The following GGA2 variants were observed in gnomAD, a reference collection of about 807,000 sequenced individuals.
GGA2 encodes ADP-ribosylation factor-binding protein GGA2.
In GGA2, 48 loss-of-function variants were observed where a neutral mutation model predicts 79.5. The ratio of observed to expected loss-of-function variants is 0.60; its 90% CI spans 0.48 to 0.77. GGA2 has a LOEUF of 0.77. Ranked by LOEUF, GGA2 falls within the 30% of genes least tolerant of loss-of-function variation. GGA2 has a pLI of 0.00. For missense variants in GGA2, 770 were observed against 774.0 expected (o/e 0.99, Z 0.06); for synonymous variants, 317 against 302.0 (o/e 1.05, Z -0.51).
chr16:23,522,184 G>A, upstream of GGA2: 1 of 206,246 alleles, frequency 4.8e-6, no homozygotes, highest in Non-Finnish European at 1.0e-5. Flanking sequence ...ATCATCTTCT[G>A]GAGAAAGCTC....
intron 14 of GGA2, among the ~76,000 whole-genome samples, chr16:23,474,463 T>A (rs1297463016): frequency 6.6e-6 from 1 of 152,062 alleles, no homozygotes; most frequent in East Asian, 1.9e-4. Flanking sequence ...ATTCAAGCAG[T>A]TCTCCTGCCT....
In GGA2 at chr16:23,466,009, G is replaced by A. The variant is rs1964432732; in HGVS notation, c.*1581C>T. 1 of 152,302 alleles carries A rather than the reference G, an allele frequency of 6.6e-6. No individual in the cohort carries two copies. The highest frequency in any genetic ancestry group is 1.5e-5 in the Non-Finnish European group (1 of 68,170). 9.4% of individuals were successfully genotyped at this position (152,302 alleles called of 1,614,324 possible). The stretch of plus-strand genomic sequence containing the variant: ...TTTTAGATTAAAATTCGTCTTATGT[G>A]AATTATGGCAAATGAAATCACCCCA... On this transcript the variant is annotated 3_prime_UTR_variant, in exon 17 of 17. Coordinates refer to ENST00000309859, the MANE Select transcript of GGA2 (RefSeq NM_015044.4).
intron 5 of GGA2, 98 bp downstream of exon 5, chr16:23,491,579 G>C (rs1389541261): frequency 1.1e-5 from 10 of 902,886 alleles, no homozygotes; most frequent in Non-Finnish European, 5.0e-6. Context: ...TCCTACATAA[G>C]AAGTACAGCT....
At chr16:23,495,347 C>T (rs1032653294) in intron 2 of GGA2, 12 of 170,654 alleles carry the variant, frequency 7.0e-5, no homozygotes, top group Admixed American at 4.3e-4. Flanking sequence ...TTAATAACTG[C>T]CAGTTGCAAG....
rs1964489070 is a variant in GGA2 at position 23,470,005 on chromosome 16, A to T, written c.1611T>A (p.Ala537=). ...QPVWDIMFQV[A]VPKSMRVKLQ... is the part of the protein sequence containing the mutation. ...CCAACAGATGACTCACCTTTGGCACAGCCACTTGAAACATGATATCCCAGA... is the reference window on the plus strand; with the variant it reads ...CCAACAGATGACTCACCTTTGGCACTGCCACTTGAAACATGATATCCCAGA... Residue 537 remains alanine, a synonymous_variant, in exon 15 of 17, where the codon GCT becomes GCA. Transcript: ENST00000309859. 8 of 1,551,716 alleles carry T rather than the reference A, an allele frequency of 5.2e-6. No homozygotes were observed. Among genetic ancestry groups the T allele is most frequent in the Non-Finnish European group, 6.1e-6 (7 of 1,148,758 alleles).
chr16:23,512,064 T>C (rs1049030044), upstream of GGA2, among the ~76,000 whole-genome samples: 5 of 152,188 alleles, frequency 3.3e-5, no homozygotes, highest in Non-Finnish European at 5.9e-5. Flanking sequence ...TAATTTTCCA[T>C]TGAAGCTGTT....
chr16:23,501,512 T>C (rs1596994119), intron 1 of GGA2: 1 of 363,658 alleles, frequency 2.7e-6, no homozygotes, highest in East Asian at 7.6e-5. Flanking sequence ...CCGTGACCTG[T>C]ATTTTCTATT....
At position 23,467,412 on chromosome 16, in the gene GGA2, A is replaced by ACACACACACACACACACACACACAC; in HGVS notation, c.*177_*178insGTGTGTGTGTGTGTGTGTGTGTGTG. The ACACACACACACACACACACACACAC allele has an allele frequency of 1.7e-6, 1 of 593,324 alleles. No homozygotes were observed. Among genetic ancestry groups the ACACACACACACACACACACACACAC allele is most frequent in the African/African-American group, 1.9e-5 (1 of 53,762 alleles). 36.8% of individuals were successfully genotyped at this position (593,324 alleles called of 1,614,324 possible). ...AACACACACACACACACACACACAC[A>ACACACACACACACACACACACACAC]CACACACACACACACACACACAGAG... On this transcript the variant is annotated 3_prime_UTR_variant, in exon 17 of 17. Transcript: ENST00000309859.
intron 1 of GGA2, among the ~76,000 whole-genome samples, chr16:23,509,920 A>C (rs1481551463): frequency 6.6e-6 from 1 of 151,936 alleles, no homozygotes; most frequent in Non-Finnish European, 1.5e-5. Context: ...TTAAGCCTCA[A>C]GGTCCCCGCT....
chr16:23,500,435 GC>G lies in GGA2; in HGVS notation c.92-4658del, dbSNP rs1276612029. On this transcript the variant is annotated intron_variant, in intron 1 of 16. Transcript: ENST00000309859. ...GTACTGTGGCTCTGACATCTATGAG[GC>G]GGTGGCAAGCAGAGGTGCAGGCCAA... Among the ~76,000 whole-genome samples the G allele has an allele frequency of 2.0e-5, 3 of 152,274 alleles. No individual in the cohort carries two copies. In the East Asian group the frequency reaches 5.8e-4, roughly 29 times the overall value.
intron 1 of GGA2, among the ~76,000 whole-genome samples, 190 bp from the exon 2 acceptor site, chr16:23,495,968 T>C (rs577113037): frequency 6.6e-6 from 1 of 152,296 alleles, no homozygotes; most frequent in South Asian, 2.1e-4. Context: ...GCACATGGTA[T>C]GCCCTTACTG....
At chr16:23,519,799 G>GT (rs1965125063) in intron 1 of GGA2, among the ~76,000 whole-genome samples, 1 of 152,188 alleles carries the variant, frequency 6.6e-6, no homozygotes, top group Non-Finnish European at 1.5e-5. Flanking sequence ...CTTTAGATCT[G>GT]TGAGAGTCCT....
intron 13 of GGA2, among the ~76,000 whole-genome samples, chr16:23,476,831 C>T (rs967486662): frequency 3.3e-5 from 5 of 152,176 alleles, no homozygotes; most frequent in Non-Finnish European, 7.3e-5. Flanking sequence ...CAAAAACAAA[C>T]GGCAAAAACC....
In GGA2 at chr16:23,493,362, T is replaced by C. The variant is rs1462545241; in HGVS notation, c.349A>G (p.Lys117Glu). ...CAGAGCCAAGCCCAGGTACTCACCT[T>C]TGGGGACAACACTTTGATCAGTTCG... ...LNELIKVLSP[K>E]YLGSWATGKV... The change falls in exon 4 of 17, where the codon AAG becomes GAG. Residue 117 changes from lysine to glutamate, a missense_variant and splice_region_variant. Coordinates refer to ENST00000309859, the MANE Select transcript of GGA2 (RefSeq NM_015044.4). The C allele has an allele frequency of 1.3e-6, 2 of 1,578,280 alleles. No individual in the cohort carries two copies. Among genetic ancestry groups the C allele is most frequent in the Non-Finnish European group, 1.7e-6 (2 of 1,147,190 alleles).
intron 5 of GGA2, 117 bp downstream of exon 5, chr16:23,491,560 T>G: frequency 1.5e-6 from 1 of 665,536 alleles, no homozygotes; most frequent in Admixed American, 2.7e-5. Flanking sequence ...TCTACCTCAG[T>G]GTCTATGGTC....
intron 13 of GGA2, among the ~76,000 whole-genome samples, chr16:23,475,277 C>G (rs1964563442): frequency 6.6e-6 from 1 of 150,810 alleles, no homozygotes; most frequent in South Asian, 2.1e-4. Flanking sequence ...GCAACCTCTG[C>G]CTCCCAGGCT....
chr16:23,468,973 C>T lies in GGA2; in HGVS notation c.1644G>A (p.Pro548=), dbSNP rs35347972. 0.03 allele frequency: 48,298 copies of T among 1,608,144 alleles called. 906 individuals are homozygous for T. The highest frequency in any genetic ancestry group is 0.036 in the Non-Finnish European group (42,859 of 1,174,632). The change falls in exon 16 of 17, where the codon CCG becomes CCA. Residue 548 remains proline, a synonymous_variant. Transcript: ENST00000309859. The part of the protein sequence containing the change: ...VPKSMRVKLQ[P]ASSSKLPAFS... ...ATGCAGGAAGCTTGGAGCTGGATGCCGGCTGCAGCTTCACTCTCATTGACT... is the reference window on the plus strand; with the variant it reads ...ATGCAGGAAGCTTGGAGCTGGATGCTGGCTGCAGCTTCACTCTCATTGACT...
At chr16:23,496,525 G>A (rs755904380) in intron 1 of GGA2, among the ~76,000 whole-genome samples, 4 of 152,018 alleles carry the variant, frequency 2.6e-5, no homozygotes, top group East Asian at 1.9e-4. Flanking sequence ...CATCTTGACC[G>A]TTCATAAAAC....
chr16:23,491,813 A>C lies in GGA2; in HGVS notation c.352-13T>G. Reference sequence around the variant, plus strand: ...AGGACCCCAGGTACTGAAAGTAAAAAGGAAAGAGAATTCTAGAGCTGGAAG... The same window carrying C: ...AGGACCCCAGGTACTGAAAGTAAAACGGAAAGAGAATTCTAGAGCTGGAAG... On this transcript the variant is annotated splice_polypyrimidine_tract_variant and intron_variant, in intron 4 of 16. Coordinates refer to ENST00000309859, the MANE Select transcript of GGA2 (RefSeq NM_015044.4). The C allele has an allele frequency of 6.3e-7, 1 of 1,598,372 alleles. No homozygotes were observed. The highest frequency in any genetic ancestry group is 8.6e-7 in the Non-Finnish European group (1 of 1,166,608).
Sources: allele counts gnomAD v4.1 joint callset (sites outside exome capture counted in the v4.1 genomes callset), GRCh38; gene constraint gnomAD v4.1.1; transcripts MANE v1.5; gene names NCBI Gene and HGNC (gene_info 2026-07-23, HGNC 2026-07-21).